Variants in SPC25 observed in about 807,000 individuals in gnomAD.
SPC25 encodes the protein kinetochore protein Spc25.
A neutral mutation model predicts 29.6 loss-of-function variants in SPC25; 22 were observed. The observed-to-expected ratio is 0.74, with a 90% CI of 0.53 to 1.06. The LOEUF is 1.06. Among genes scored for constraint, SPC25 ranks in the 50% least tolerant of loss-of-function variants. The pLI is 0.00. For missense variants in SPC25, 230 were observed against 255.8 expected, an observed-to-expected ratio of 0.90 and a Z score of 0.69; for synonymous variants, 91 against 90.4, an observed-to-expected ratio of 1.01 and a Z score of -0.04.
intron 4 of SPC25, 35 bp downstream of exon 4, chr2:168,877,203 A>G (rs1193446575): frequency 1.9e-6 from 3 of 1,604,798 alleles, no homozygotes; most frequent in Admixed American, 3.4e-5. Flanking sequence ...ACCACTTTCC[A>G]TTTTAGATCA....
At chr2:168,865,976 C>T (rs1387108871), downstream of SPC25, among the ~76,000 whole-genome samples, 1 of 152,254 alleles carries the variant, frequency 6.6e-6, no homozygotes, top group Non-Finnish European at 1.5e-5. Context: ...TAAAAGAGGA[C>T]ACAAAGAAAT....
At chr2:168,883,622 T>TA (rs1356244330) in intron 3 of SPC25, among the ~76,000 whole-genome samples, 2 of 152,196 alleles carry the variant, frequency 1.3e-5, no homozygotes, top group Non-Finnish European at 2.9e-5. Context: ...TCACTGGGGT[T>TA]AGAGTATCCA....
chr2:168,869,775 T>C (rs939365189), downstream of SPC25, among the ~76,000 whole-genome samples: 4 of 152,306 alleles, frequency 2.6e-5, no homozygotes, highest in African/African-American at 4.8e-5. Flanking sequence ...AAAATGGCCA[T>C]GTTGCCCAAG....
rs755829709 is a variant in SPC25 at position 168,873,581 on chromosome 2, A to C, written c.550+4T>G. The C allele has an allele frequency of 1.9e-6, 3 of 1,596,436 alleles. No individual in the cohort carries two copies. In the East Asian group the frequency reaches 6.7e-5, roughly 36 times the overall value. On this transcript the variant is annotated splice_donor_region_variant and intron_variant, in intron 6 of 6. Transcript: ENST00000282074. Reference sequence around the variant, plus strand: ...AATACCAGTTAGGAGATATTAGTACATACCTTCATAGTCCCTTGCTTCATT... The same window carrying C: ...AATACCAGTTAGGAGATATTAGTACCTACCTTCATAGTCCCTTGCTTCATT...
chr2:168,878,796 T>A (rs1435484600), intron 3 of SPC25, among the ~76,000 whole-genome samples: 1 of 152,248 alleles, frequency 6.6e-6, no homozygotes, highest in African/African-American at 2.4e-5. Flanking sequence ...TTGTTTTTAT[T>A]GGTTTTATTA....
chr2:168,875,273 G>A (rs972377484), intron 5 of SPC25, among the ~76,000 whole-genome samples: 12 of 152,164 alleles, frequency 7.9e-5, no homozygotes, highest in African/African-American at 2.9e-4. Flanking sequence ...ATGGCATTAT[G>A]TGCCAATAAA....
chr2:168,868,117 C>A (rs1245376635), downstream of SPC25, among the ~76,000 whole-genome samples: 5 of 152,040 alleles, frequency 3.3e-5, no homozygotes, highest in African/African-American at 7.3e-5. Flanking sequence ...GGGTACATAA[C>A]GAAATGAAGG....
intron 3 of SPC25, among the ~76,000 whole-genome samples, chr2:168,886,613 A>T (rs1036987670): frequency 6.7e-6 from 1 of 149,782 alleles, no homozygotes; most frequent in Non-Finnish European, 1.5e-5. Context: ...TCCGCCTCCC[A>T]GGTTCACGCC....
chr2:168,861,972 C>A (rs762681375), intron 4 of SPC25: 2 of 1,614,152 alleles, frequency 1.2e-6, no homozygotes, highest in African/African-American at 1.3e-5. Flanking sequence ...CCTGGTGCAG[C>A]CCAGCTCAGC....
chr2:168,887,652 T>C (rs993931071), intron 3 of SPC25, among the ~76,000 whole-genome samples: 2 of 152,134 alleles, frequency 1.3e-5, no homozygotes, highest in East Asian at 1.9e-4. Flanking sequence ...GTATCTCTAG[T>C]GGAATTTGAA....
Position 168,871,376 on chromosome 2 carries a change from A to AG in SPC25, c.*54dup. On this transcript the variant is annotated 3_prime_UTR_variant, in exon 7 of 7. Coordinates refer to ENST00000282074, the MANE Select transcript of SPC25 (RefSeq NM_020675.4). ...TAATAATAATAAAAACAAGAAAAAAAGAGATATGTAATAGAGAAGAAAAAT... is the reference window on the plus strand; with the variant it reads ...TAATAATAATAAAAACAAGAAAAAAAGGAGATATGTAATAGAGAAGAAAAAT... 2.0e-6 allele frequency: 3 copies of AG among 1,490,468 alleles called. No homozygotes were observed. Among genetic ancestry groups the AG allele is most frequent in the Non-Finnish European group, 2.7e-6 (3 of 1,108,492 alleles). The allele number at this position is 1,490,468 out of a possible 1,614,324, so 92.3% of individuals were successfully genotyped here.
At position 168,890,349 on chromosome 2, in the gene SPC25, C is replaced by G. The variant is rs1690374544; in HGVS notation, c.-46G>C. On this transcript the variant is annotated 5_prime_UTR_variant, in exon 1 of 7. Transcript: ENST00000282074. ...AGGCAGGCCTGAGTCCCGCCGCCTT[C>G]CCCACACCAGATCCGCGCCCACTCT... 1.0e-6 allele frequency: 1 copy of G among 985,484 alleles called. No homozygotes were observed. Among genetic ancestry groups the G allele is most frequent in the African/African-American group, 1.7e-5 (1 of 57,256 alleles). The allele number at this position is 985,484 out of a possible 1,614,324, so 61.0% of individuals were successfully genotyped here.
downstream of SPC25, among the ~76,000 whole-genome samples, chr2:168,867,858 T>C (rs36160697): frequency 0.2 from 28,238 of 142,626 alleles, no homozygotes; most frequent in Non-Finnish European, 0.25. Context: ...GCAGACCTAA[T>C]AGACATCTAC....
At chr2:168,865,019 G>T in intron 4 of SPC25, 1 of 1,592,016 alleles carries the variant, frequency 6.3e-7, no homozygotes, top group South Asian at 1.1e-5. Context: ...CAACAATACA[G>T]TGTGGTTCAA....
At chr2:168,876,042 C>A in intron 5 of SPC25, 30 bp downstream of exon 5, 1 of 1,277,394 alleles carries the variant, frequency 7.8e-7, no homozygotes. Flanking sequence ...TTTGTAATCT[C>A]CTATATTTTA....
chr2:168,877,097 G>A (rs1441941942), intron 4 of SPC25, 141 bp downstream of exon 4: 2 of 784,362 alleles, frequency 2.5e-6, no homozygotes, highest in East Asian at 2.7e-5. Context: ...ATGACATCTT[G>A]CAGAGATGAG....
intron 4 of SPC25, among the ~76,000 whole-genome samples, chr2:168,864,173 G>A (rs1270574811): frequency 2.6e-5 from 4 of 151,986 alleles, no homozygotes; most frequent in Non-Finnish European, 4.4e-5. Context: ...TCACCATGTT[G>A]GCCAGGCTGG....
At chr2:168,866,048 C>G (rs1689841966), downstream of SPC25, among the ~76,000 whole-genome samples, 1 of 152,290 alleles carries the variant, frequency 6.6e-6, no homozygotes, top group East Asian at 1.9e-4. Context: ...CCATATTGCC[C>G]AAGGTAATTT....
downstream of SPC25, among the ~76,000 whole-genome samples, chr2:168,869,159 C>A (rs1334075965): frequency 6.6e-6 from 1 of 152,158 alleles, no homozygotes; most frequent in Non-Finnish European, 1.5e-5. Flanking sequence ...TTCAACAACC[C>A]TTCATGCTAA....
Sources: allele counts gnomAD v4.1 joint callset (sites outside exome capture counted in the v4.1 genomes callset), GRCh38; gene constraint gnomAD v4.1.1; transcripts MANE v1.5; gene names NCBI Gene and HGNC (gene_info 2026-07-23, HGNC 2026-07-21).